The following CMIP variants were observed in gnomAD, a reference collection of about 807,000 sequenced individuals.
CMIP encodes the protein C-Maf-inducing protein.
In CMIP, 13 loss-of-function variants were observed where a neutral mutation model predicts 97.3. The observed-to-expected ratio is 0.13, with a 90% CI of 0.09 to 0.21. CMIP has a LOEUF of 0.21. CMIP is among the 10% of genes least tolerant of loss of function. The pLI, the probability that CMIP is intolerant of heterozygous loss-of-function variation, is 1.00. For synonymous variants in CMIP, 538 were observed against 436.3 expected, an observed-to-expected ratio of 1.23 and a Z score of -2.91; for missense variants, 847 against 1,024.9, an observed-to-expected ratio of 0.83 and a Z score of 2.37.
At chr16:81,657,965 C>T (rs994765124) in intron 5 of CMIP, 149 bp downstream of exon 5, 1 of 621,410 alleles carries the variant, frequency 1.6e-6, no homozygotes, top group Non-Finnish European at 2.8e-6. Context: ...GCCGGACGCA[C>T]CTCCCTCTGC....
intron 1 of CMIP, among the ~76,000 whole-genome samples, chr16:81,588,153 G>A (rs758612146): frequency 3.3e-5 from 5 of 152,182 alleles, no homozygotes; most frequent in African/African-American, 4.8e-5. Flanking sequence ...GAGACCCTCC[G>A]GATCCCCAGG....
chr16:81,640,455 C>T (rs999958282), intron 3 of CMIP, among the ~76,000 whole-genome samples: 2 of 152,150 alleles, frequency 1.3e-5, no homozygotes, highest in South Asian at 2.1e-4. Flanking sequence ...TGGGACCAGG[C>T]GTCCTGGGGT....
In CMIP at chr16:81,667,981, C is replaced by G. The variant is rs73600421; in HGVS notation, c.826-2161C>G. The stretch of plus-strand genomic sequence containing the variant: ...TCTCTCACAAAGGACCCCTTTGACT[C>G]CACATGAAGAAGCCCCCAGCGGCTC... On this transcript the variant is annotated intron_variant, in intron 7 of 20. Transcript: ENST00000537098. 1.4e-3 allele frequency among the ~76,000 whole-genome samples: 213 copies of G among 152,172 alleles called. 1 individual carries two copies. The highest frequency in any genetic ancestry group is 4.9e-3 in the African/African-American group (202 of 41,534).
intron 1 of CMIP, among the ~76,000 whole-genome samples, chr16:81,454,872 A>G (rs1344598830): frequency 1.3e-5 from 2 of 152,202 alleles, no homozygotes; most frequent in Non-Finnish European, 2.9e-5. Flanking sequence ...ATGGAGAGGT[A>G]GGATGGAGAC....
At chr16:81,705,673 C>A in intron 19 of CMIP, 69 bp downstream of exon 19, 2 of 1,051,712 alleles carry the variant, frequency 1.9e-6, no homozygotes, top group Non-Finnish European at 2.8e-6. Flanking sequence ...TTCAGCCAAA[C>A]TGGCCAAGCA....
At chr16:81,668,690 C>G (rs560360485) in intron 7 of CMIP, among the ~76,000 whole-genome samples, 4 of 152,178 alleles carry the variant, frequency 2.6e-5, no homozygotes, top group South Asian at 4.1e-4. Flanking sequence ...GTGTCCCTGT[C>G]CCCTCATCAT....
chr16:81,527,842 C>T (rs553117211), intron 1 of CMIP, among the ~76,000 whole-genome samples: 1 of 152,324 alleles, frequency 6.6e-6, no homozygotes, highest in African/African-American at 2.4e-5. Context: ...GGTGGGCATT[C>T]ACGTTGTTGC....
intron 1 of CMIP, among the ~76,000 whole-genome samples, chr16:81,554,163 A>T (rs1294228665): frequency 3.3e-5 from 5 of 152,230 alleles, no homozygotes; most frequent in Non-Finnish European, 5.9e-5. Context: ...CAATAATACA[A>T]TCAGTGCCTG....
intron 1 of CMIP, among the ~76,000 whole-genome samples, chr16:81,602,646 C>T (rs2091677216): frequency 6.6e-6 from 1 of 152,214 alleles, no homozygotes; most frequent in African/African-American, 2.4e-5. Context: ...TTGTTTATTT[C>T]AGGATGTCAT....
chr16:81,620,134 AG>A (rs1228884954), intron 2 of CMIP: 2 of 152,342 alleles, frequency 1.3e-5, no homozygotes, highest in East Asian at 3.9e-4. Context: ...CTGGAAAATC[AG>A]GGTTATTGTC....
At position 81,465,963 on chromosome 16, in the gene CMIP, A is replaced by G. The variant is rs1907179329; in HGVS notation, c.300+20422A>G. 3.3e-5 allele frequency among the ~76,000 whole-genome samples: 5 copies of G among 152,204 alleles called. No individual in the cohort carries two copies. The South Asian group carries it at 1.0e-3, about 31-fold the overall frequency. On this transcript the variant is annotated intron_variant, in intron 1 of 20. Transcript: ENST00000537098. ...AACCCTTGCAGAGAAGAAGCTGGTA[A>G]TTTCAGGTGGCAAGAAGTCGATGAT...
chr16:81,468,661 A>G (rs1383338968), intron 1 of CMIP, among the ~76,000 whole-genome samples: 2 of 152,226 alleles, frequency 1.3e-5, no homozygotes, highest in Admixed American at 6.5e-5. Context: ...GAAGAGAGTT[A>G]TGGACAATCG....
At chr16:81,452,876 TTTTG>T (rs1483666945) in intron 1 of CMIP, among the ~76,000 whole-genome samples, 2,150 of 114,588 alleles carry the variant, frequency 0.019, 37 homozygotes, top group African/African-American at 0.081. Context: ...TTTGTTTTTT[TTTTG>T]TTTTGTTTTT....
chr16:81,670,005 T>G (rs2092666481), intron 7 of CMIP, 137 bp from the exon 8 acceptor site: 3 of 723,358 alleles, frequency 4.1e-6, no homozygotes, highest in Non-Finnish European at 6.8e-6. Context: ...TCCAGAGGGT[T>G]GGTGTCTCCC....
rs563995776 is a variant in CMIP, at chr16:81,476,394, T to C, written c.300+30853T>C. 3.8e-4 allele frequency: 436 copies of C among 1,137,698 alleles called. 8 individuals carry two copies. In the South Asian group the frequency reaches 5.1e-3, roughly 13 times the overall value. The allele number at this position is 1,137,698 out of a possible 1,614,324, so 70.5% of individuals were successfully genotyped here. The stretch of plus-strand genomic sequence containing the variant: ...AACCCTTATAACCAACTCCTTTCTC[T>C]CCAGTGCTCAGAGCGTGAAAGTTTT... On this transcript the variant is annotated intron_variant, in intron 1 of 20. Transcript: ENST00000537098.
At chr16:81,707,147 G>T (rs1567678457) in intron 20 of CMIP, 63 bp downstream of exon 20, 4 of 1,371,086 alleles carry the variant, frequency 2.9e-6, no homozygotes, top group East Asian at 4.6e-5. Context: ...CTGGATGCTG[G>T]TGCATCTCCT....
At chr16:81,470,302 C>G (rs191084445) in intron 1 of CMIP, among the ~76,000 whole-genome samples, 1 of 145,430 alleles carries the variant, frequency 6.9e-6, no homozygotes, top group Non-Finnish European at 1.6e-5. Flanking sequence ...CCAGGCGCCC[C>G]GTCCAGGCAG....
intron 1 of CMIP, among the ~76,000 whole-genome samples, chr16:81,534,401 G>A (rs1034009402): frequency 6.6e-6 from 1 of 152,030 alleles, no homozygotes; most frequent in South Asian, 2.1e-4. Flanking sequence ...AAGATTGTAA[G>A]GGTTTCTTTT....
At chr16:81,672,116 A>G (rs1036997777) in intron 9 of CMIP, 46 bp downstream of exon 9, 1 of 1,166,454 alleles carries the variant, frequency 8.6e-7, no homozygotes, top group Non-Finnish European at 1.3e-6. Flanking sequence ...GGAGGGGCAA[A>G]CTGCCACCCC....
Sources: allele counts gnomAD v4.1 joint callset (sites outside exome capture counted in the v4.1 genomes callset), GRCh38; gene constraint gnomAD v4.1.1; transcripts MANE v1.5; gene names NCBI Gene and HGNC (gene_info 2026-07-23, HGNC 2026-07-21).